Variants in CSMD1 observed in about 807,000 individuals in gnomAD.
CSMD1 encodes CUB and Sushi multiple domains 1, also known as CUB and sushi domain-containing protein 1.
Under a neutral mutation model 417.5 loss-of-function variants are expected in CSMD1, and 213 were observed. The ratio of observed to expected loss-of-function variants is 0.51; its 90% CI spans 0.46 to 0.57. The LOEUF is 0.57. Among genes scored for constraint, CSMD1 ranks in the 20% least tolerant of loss-of-function variants. The probability of loss-of-function intolerance (pLI) is 0.00; values close to 1 mark genes in which losing one functional copy is unlikely to be tolerated. For missense variants in CSMD1, 6,923 were observed against 4,529.7 expected (o/e 1.53, Z -15.17); for synonymous variants, 2,862 against 1,736.8 (o/e 1.65, Z -16.11).
intron 30 of CSMD1, among the ~76,000 whole-genome samples, chr8:3,213,075 C>A (rs111406356): frequency 6.6e-6 from 1 of 151,994 alleles, no homozygotes; most frequent in Non-Finnish European, 1.5e-5. Context: ...GATCCACCCA[C>A]GTCAGCCTCC....
intron 3 of CSMD1, among the ~76,000 whole-genome samples, chr8:4,089,964 C>G (rs1408539280): frequency 6.6e-6 from 1 of 152,130 alleles, no homozygotes; most frequent in Non-Finnish European, 1.5e-5. Flanking sequence ...TGCTGACTTT[C>G]AGATAGAATG....
chr8:4,444,102 G>C (rs1287225893), intron 2 of CSMD1, among the ~76,000 whole-genome samples: 1 of 152,026 alleles, frequency 6.6e-6, no homozygotes, highest in East Asian at 1.9e-4. Flanking sequence ...AGCACTTTGG[G>C]AGGTCGAGGC....
At chr8:4,449,087 T>G (rs1563186112) in intron 2 of CSMD1, among the ~76,000 whole-genome samples, 1 of 152,200 alleles carries the variant, frequency 6.6e-6, no homozygotes, top group Non-Finnish European at 1.5e-5. Context: ...CTAAGGAGAT[T>G]GAATAGCTTA....
At chr8:3,524,074 CACAT>C (rs1797644379) in intron 10 of CSMD1, among the ~76,000 whole-genome samples, 2 of 150,176 alleles carry the variant, frequency 1.3e-5, no homozygotes, top group African/African-American at 4.9e-5. Flanking sequence ...CACACACTTA[CACAT>C]GCACACACGC....
At chr8:3,817,932 T>A (rs1223763690) in intron 5 of CSMD1, among the ~76,000 whole-genome samples, 1 of 152,170 alleles carries the variant, frequency 6.6e-6, no homozygotes, top group Non-Finnish European at 1.5e-5. Context: ...GACAAAAACC[T>A]GGTATTAGCT....
chr8:4,692,873 T>A (rs1806860962), intron 1 of CSMD1, among the ~76,000 whole-genome samples: 1 of 152,198 alleles, frequency 6.6e-6, no homozygotes, highest in African/African-American at 2.4e-5. Flanking sequence ...TAGACAAGAC[T>A]CTATGGTATT....
intron 37 of CSMD1, among the ~76,000 whole-genome samples, chr8:3,176,499 C>A (rs1478306318): frequency 6.6e-6 from 1 of 152,038 alleles, no homozygotes; most frequent in Non-Finnish European, 1.5e-5. Context: ...TGAACTAGGG[C>A]AATTTTCAAA....
chr8:3,880,965 A>AT (rs1261458806), intron 5 of CSMD1, among the ~76,000 whole-genome samples: 1 of 152,192 alleles, frequency 6.6e-6, no homozygotes, highest in African/African-American at 2.4e-5. Flanking sequence ...AGACAACTGC[A>AT]TTTTTAAGTA....
intron 3 of CSMD1, among the ~76,000 whole-genome samples, chr8:4,283,208 A>G (rs1291531397): frequency 6.6e-6 from 1 of 152,134 alleles, no homozygotes; most frequent in Non-Finnish European, 1.5e-5. Flanking sequence ...TATGAATATG[A>G]TTTTTCTAAA....
chr8:4,379,159 C>T (rs1423814472), intron 3 of CSMD1, among the ~76,000 whole-genome samples: 1 of 152,126 alleles, frequency 6.6e-6, no homozygotes, highest in Non-Finnish European at 1.5e-5. Context: ...ATTTGAGACA[C>T]TGGAAATGGC....
chr8:3,979,397 T>G (rs1005120493), intron 5 of CSMD1, among the ~76,000 whole-genome samples: 1 of 152,178 alleles, frequency 6.6e-6, no homozygotes, highest in Non-Finnish European at 1.5e-5. Context: ...TCAGCGCAGC[T>G]ACAGAGGCTA....
At chr8:4,035,178 G>T (rs1563345020) in intron 3 of CSMD1, among the ~76,000 whole-genome samples, 1 of 152,074 alleles carries the variant, frequency 6.6e-6, no homozygotes, top group African/African-American at 2.4e-5. Context: ...TACTGATGTT[G>T]TAGCCGTCAT....
chr8:4,439,582 TTTA>T (rs1227367711), intron 2 of CSMD1, among the ~76,000 whole-genome samples: 3 of 151,398 alleles, frequency 2.0e-5, no homozygotes, highest in African/African-American at 7.4e-5. Context: ...TACATATTTC[TTTA>T]TTATTAACAT....
At chr8:3,676,889 A>C (rs568990014) in intron 7 of CSMD1, among the ~76,000 whole-genome samples, 128 of 152,306 alleles carry the variant, frequency 8.4e-4, no homozygotes, top group African/African-American at 3.0e-3. Context: ...CATTCTCAGC[A>C]AATTAACACA....
At chr8:3,141,874 T>C (rs866250722) in intron 41 of CSMD1, among the ~76,000 whole-genome samples, 5 of 150,870 alleles carry the variant, frequency 3.3e-5, no homozygotes, top group African/African-American at 7.3e-5. Context: ...CTCTCCTCAC[T>C]GCAAGCTCCG....
In CSMD1 at chr8:4,546,496, G is replaced by C. The variant is rs572213969; in HGVS notation, c.302+90846C>G. Among the ~76,000 whole-genome samples, 494 of 152,284 alleles carry C rather than the reference G, an allele frequency of 3.2e-3. 3 individuals carry two copies. Among genetic ancestry groups the C allele is most frequent in the African/African-American group, 0.011 (474 of 41,568 alleles). On this transcript the variant is annotated intron_variant, in intron 2 of 69. Transcript: ENST00000635120. ...CCATGGCAGGCCACAAAGAACAAAA[G>C]ATAAACGGTGAATTTTCTCTTTTCC...
At chr8:3,276,743 A>G (rs1000642912) in intron 26 of CSMD1, among the ~76,000 whole-genome samples, 1 of 152,210 alleles carries the variant, frequency 6.6e-6, no homozygotes, top group African/African-American at 2.4e-5. Context: ...CATATTGTTT[A>G]CAGTAGATGA....
At chr8:3,101,580 G>A (rs556371218) in intron 46 of CSMD1, among the ~76,000 whole-genome samples, 11 of 151,184 alleles carry the variant, frequency 7.3e-5, no homozygotes, top group African/African-American at 2.4e-4. Flanking sequence ...CCACAACCAT[G>A]CCTGGCTAAT....
chr8:4,372,748 A>C (rs1802471453), intron 3 of CSMD1, among the ~76,000 whole-genome samples: 1 of 54,850 alleles, frequency 1.8e-5, no homozygotes. Flanking sequence ...AGGCAAAAGA[A>C]AAAAAAAAAG....
Sources: allele counts gnomAD v4.1 joint callset (sites outside exome capture counted in the v4.1 genomes callset), GRCh38; gene constraint gnomAD v4.1.1; transcripts MANE v1.5; gene names NCBI Gene and HGNC (gene_info 2026-07-23, HGNC 2026-07-21).